UTP25: variants seen among roughly 807,000 people sequenced by gnomAD.
UTP25 encodes the protein UTP25 small subunit processome component, also known as U3 small nucleolar RNA-associated protein 25 homolog.
Under a neutral mutation model 78.9 loss-of-function variants are expected in UTP25, and 50 were observed. The ratio of observed to expected loss-of-function variants is 0.63; its 90% confidence interval spans 0.50 to 0.80. The LOEUF (loss-of-function observed/expected upper bound fraction) is 0.80. Among genes scored for constraint, UTP25 ranks in the 30% least tolerant of loss-of-function variants. The probability of loss-of-function intolerance (pLI) is 0.00; values close to 1 mark genes in which losing one functional copy is unlikely to be tolerated. For synonymous variants in UTP25, 329 were observed against 336.5 expected, an observed-to-expected ratio of 0.98 and a Z score of 0.24; for missense variants, 846 against 911.3, an observed-to-expected ratio of 0.93 and a Z score of 0.92.
Position 209,854,073 on chromosome 1 carries a change from C to G in UTP25, c.*2626C>G, listed in dbSNP as rs1333109196. The G allele has an allele frequency of 6.6e-6, 1 of 152,168 alleles. No individual in the cohort carries two copies. Among genetic ancestry groups the G allele is most frequent in the African/African-American group, 2.4e-5 (1 of 41,426 alleles). The allele number at this position is 152,168 out of a possible 1,614,324, so 9.4% of individuals were successfully genotyped here. A position where few individuals can be genotyped will look rare whatever the true frequency, so the allele number is the denominator to read the frequency against. ...CTTGAAGATCTGGTCTCTCTCAACA[C>G]ACAATAAGCGAGAAGAGAGGCTACT... On this transcript the variant is annotated 3_prime_UTR_variant, in exon 12 of 12. Transcript: ENST00000491415.
At chr1:209,829,269 C>G (rs1435102943) in intron 1 of UTP25, among the ~76,000 whole-genome samples, 1 of 152,130 alleles carries the variant, frequency 6.6e-6, no homozygotes, top group Non-Finnish European at 1.5e-5. Context: ...TGAAAATATA[C>G]AATAAATTGT....
Position 209,851,695 on chromosome 1 carries a change from A to G in UTP25, c.*248A>G. 2.9e-6 allele frequency: 1 copy of G among 345,784 alleles called. No homozygotes were observed. Among genetic ancestry groups the G allele is most frequent in the Non-Finnish European group, 5.2e-6 (1 of 193,236 alleles). 21.4% of individuals were successfully genotyped at this position (345,784 alleles called of 1,614,324 possible). On this transcript the variant is annotated 3_prime_UTR_variant, in exon 12 of 12. Coordinates refer to ENST00000491415, the MANE Select transcript of UTP25 (RefSeq NM_014388.7). The stretch of plus-strand genomic sequence containing the variant: ...GCTAGAAGGACTCTGAGAAGTTGGT[A>G]GAAGAAAACTCCCACTTGTGAATAT...
chr1:209,842,309 G>A lies in UTP25; in HGVS notation c.1530G>A (p.Gly510=), dbSNP rs2078171544. Residue 510 remains glycine, a synonymous_variant, in exon 9 of 12, where the codon GGG becomes GGA. Coordinates refer to ENST00000491415, the MANE Select transcript of UTP25 (RefSeq NM_014388.7). The part of the protein sequence containing the change: ...HMNLLPLDSH[G]VDFSRVRMWS... ...ACCTACTACCCCTGGACTCACATGG[G>A]GTAGACTTTTCTCGAGTGCGGATGT... The A allele has an allele frequency of 6.2e-7, 1 of 1,613,994 alleles. No homozygotes were observed.
Position 209,839,058 on chromosome 1 carries a change from A to G in UTP25, c.1212A>G (p.Pro404=). 6.2e-7 allele frequency: 1 copy of G among 1,614,092 alleles called. No individual in the cohort carries two copies. The highest frequency in any genetic ancestry group is 8.5e-7 in the Non-Finnish European group (1 of 1,179,978). ...ATGGATCAGATCCCGAGGAGAGACC[A>G]CCCAACTTGAAGAGGCCTGAGGATT... The part of the protein sequence containing the change: ...GEYGSDPEER[P]PNLKRPEDYE... Residue 404 remains proline (P), a synonymous_variant, in exon 7 of 12, where the codon CCA becomes CCG. Coordinates refer to ENST00000491415, the MANE Select transcript of UTP25 (RefSeq NM_014388.7).
chr1:209,841,596 T>C (rs545864239), intron 8 of UTP25, among the ~76,000 whole-genome samples: 1 of 152,328 alleles, frequency 6.6e-6, no homozygotes, highest in African/African-American at 2.4e-5. Context: ...GTTATCAGTT[T>C]TAGGACTGAA....
At chr1:209,844,143 C>G in intron 11 of UTP25, 1 of 166,094 alleles carries the variant, frequency 6.0e-6, no homozygotes, top group Non-Finnish European at 1.3e-5. Flanking sequence ...TGTCAGTTTC[C>G]AGACAGTTGC....
chr1:209,841,112 A>G, intron 8 of UTP25, 57 bp downstream of exon 8: 2 of 1,580,462 alleles, frequency 1.3e-6, no homozygotes, highest in Non-Finnish European at 1.7e-6. Flanking sequence ...GGGATAAGAC[A>G]CCCAGTGGTT....
At chr1:209,828,332 G>A (rs1399693484) in intron 1 of UTP25, among the ~76,000 whole-genome samples, 162 bp downstream of exon 1, 2 of 151,958 alleles carry the variant, frequency 1.3e-5, no homozygotes, top group Non-Finnish European at 2.9e-5. Flanking sequence ...GGGAGATGGA[G>A]TGCTTCACGG....
intron 1 of UTP25, among the ~76,000 whole-genome samples, chr1:209,828,747 G>A (rs1349718277): frequency 2.0e-5 from 2 of 101,224 alleles, no homozygotes; most frequent in Non-Finnish European, 4.4e-5. Flanking sequence ...GGAATTTTTT[G>A]TAGACACACA....
intron 3 of UTP25, among the ~76,000 whole-genome samples, chr1:209,832,001 T>A (rs1351277980): frequency 6.6e-6 from 1 of 152,126 alleles, no homozygotes; most frequent in Non-Finnish European, 1.5e-5. Context: ...TATTTTTTTT[T>A]TATACCTTCT....
intron 11 of UTP25, among the ~76,000 whole-genome samples, chr1:209,847,039 G>C (rs2078201273): frequency 6.6e-6 from 1 of 151,638 alleles, no homozygotes; most frequent in South Asian, 2.1e-4. Flanking sequence ...ACACACACGT[G>C]TTTTTTTAAA....
At chr1:209,842,178 A>G (rs1572005365) in intron 8 of UTP25, 87 bp from the exon 9 acceptor site, 6 of 1,345,540 alleles carry the variant, frequency 4.5e-6, no homozygotes, top group Non-Finnish European at 6.2e-6. Flanking sequence ...ATAGTACATG[A>G]GTTGATAGAC....
intron 1 of UTP25, 52 bp from the exon 2 acceptor site, chr1:209,830,056 C>G: frequency 6.6e-7 from 1 of 1,517,504 alleles, no homozygotes; most frequent in Non-Finnish European, 9.0e-7. Flanking sequence ...TGACCTTTTC[C>G]TAATTTCTAC....
In UTP25 at chr1:209,839,145, A is replaced by G. The variant is rs1291125926; in HGVS notation, c.1282+17A>G. ...TCAGGATTGGTAATTCTTCCTTATCAACTTTGAGACCTAAAGTGTGAAGGT... is the reference window on the plus strand; with the variant it reads ...TCAGGATTGGTAATTCTTCCTTATCGACTTTGAGACCTAAAGTGTGAAGGT... On this transcript the variant is annotated intron_variant, in intron 7 of 11. Coordinates refer to ENST00000491415, the MANE Select transcript of UTP25 (RefSeq NM_014388.7). 1.3e-6 allele frequency: 2 copies of G among 1,589,978 alleles called. No individual in the cohort carries two copies. Among genetic ancestry groups the G allele is most frequent in the South Asian group, 2.3e-5 (2 of 88,058 alleles).
At chr1:209,842,791 A>T in intron 10 of UTP25, 96 bp downstream of exon 10, 1 of 818,698 alleles carries the variant, frequency 1.2e-6, no homozygotes, top group Non-Finnish European at 2.0e-6. Context: ...GCTTTTATTG[A>T]TAACTACCAA....
At chr1:209,830,171 A>G in intron 2 of UTP25, 24 bp downstream of exon 2, 2 of 1,604,636 alleles carry the variant, frequency 1.2e-6, no homozygotes, top group Non-Finnish European at 1.7e-6. Context: ...CCTTCTTTTT[A>G]ATAGTTGGTT....
chr1:209,839,340 G>T (rs542326792), intron 7 of UTP25, among the ~76,000 whole-genome samples: 1 of 152,260 alleles, frequency 6.6e-6, no homozygotes, highest in African/African-American at 2.4e-5. Context: ...GGATCTCTGA[G>T]GCCATATATG....
At chr1:209,843,400 C>A in intron 10 of UTP25, 51 bp from the exon 11 acceptor site, 1 of 1,599,872 alleles carries the variant, frequency 6.3e-7, no homozygotes, top group South Asian at 1.1e-5. Flanking sequence ...TTAAGAGACA[C>A]CATAAGCTTA....
intron 11 of UTP25, 80 bp downstream of exon 11, chr1:209,843,776 A>C: frequency 6.5e-7 from 1 of 1,528,104 alleles, no homozygotes. Context: ...AATGCATGGC[A>C]GGCTTCGTGG....
Sources: gnomAD v4.1 joint callset for allele counts (sites outside exome capture counted in the v4.1 genomes callset) on GRCh38, gnomAD v4.1.1 for gene constraint, MANE v1.5 for transcripts, NCBI Gene and HGNC (gene_info 2026-07-23, HGNC 2026-07-21) for gene names.